ADGRG1: variants seen among roughly 807,000 people sequenced by gnomAD.
ADGRG1 encodes the protein adhesion G protein-coupled receptor G1.
A neutral mutation model predicts 73.5 loss-of-function variants in ADGRG1; 53 were observed. The observed-to-expected ratio is 0.72, with a 90% CI of 0.58 to 0.91. ADGRG1 has a LOEUF of 0.91. ADGRG1 is among the 40% of genes least tolerant of loss of function. The probability of loss-of-function intolerance (pLI) is 0.00; values close to 1 mark genes in which losing one functional copy is unlikely to be tolerated. For synonymous variants in ADGRG1, 394 were observed against 374.4 expected (o/e 1.05, Z -0.60); for missense variants, 795 against 871.8 (o/e 0.91, Z 1.11).
At chr16:57,623,324 C>A, upstream of ADGRG1, 1 of 733,144 alleles carries the variant, frequency 1.4e-6, no homozygotes, top group Non-Finnish European at 1.7e-6. Flanking sequence ...CCTCCCTGAC[C>A]ACAAGCTCCA....
intron 1 of ADGRG1, chr16:57,630,502 C>G: frequency 1.0e-6 from 1 of 985,684 alleles, no homozygotes; most frequent in Non-Finnish European, 1.2e-6. Context: ...CACAGCTGCC[C>G]TGGCTCCCGT....
chr16:57,640,527 G>T (rs1334487646), intron 1 of ADGRG1, among the ~76,000 whole-genome samples: 2 of 152,232 alleles, frequency 1.3e-5, no homozygotes, highest in African/African-American at 4.8e-5. Flanking sequence ...AATGAACATA[G>T]TTGTGTCACT....
rs1324894282 is a variant in ADGRG1, at chr16:57,632,299, A to G, written c.-36+3497A>G. The G allele has an allele frequency of 6.1e-6, 6 of 985,328 alleles. No individual in the cohort carries two copies. In the African/African-American group the frequency reaches 8.7e-5, roughly 14 times the overall value. The allele number at this position is 985,328 out of a possible 1,614,324, so 61.0% of individuals were successfully genotyped here. A position where few individuals can be genotyped will look rare whatever the true frequency, so the allele number is the denominator to read the frequency against. On this transcript the variant is annotated intron_variant, in intron 1 of 13. Transcript: ENST00000562631. Reference sequence around the variant, plus strand: ...GGTGACAGGGCCCGTAGAGACAGCAAGGGTGGCTTGCCCAGGGAGAATCTT... The same window carrying G: ...GGTGACAGGGCCCGTAGAGACAGCAGGGGTGGCTTGCCCAGGGAGAATCTT...
intron 1 of ADGRG1, chr16:57,641,064 G>A: frequency 1.0e-6 from 1 of 984,986 alleles, no homozygotes; most frequent in East Asian, 1.1e-4. Flanking sequence ...CCAGCTTGGA[G>A]GTAAGCTCTG....
At chr16:57,629,639 C>T (rs1401613128) in intron 1 of ADGRG1, among the ~76,000 whole-genome samples, 3 of 152,140 alleles carry the variant, frequency 2.0e-5, no homozygotes, top group Non-Finnish European at 4.4e-5. Context: ...AAGGTGGCCC[C>T]GCAGGGTCTC....
rs1325667767 is a variant in ADGRG1, at chr16:57,642,273, G to C, written c.-35-7980G>C. 3 of 985,220 alleles carry C rather than the reference G, an allele frequency of 3.0e-6. No individual in the cohort carries two copies. The African/African-American group carries it at 5.2e-5, about 17-fold the overall frequency. 61.0% of individuals were successfully genotyped at this position (985,220 alleles called of 1,614,324 possible). A position where few individuals can be genotyped will look rare whatever the true frequency, so the allele number is the denominator to read the frequency against. On this transcript the variant is annotated intron_variant, in intron 1 of 13. Transcript: ENST00000562631. ...TGGTGCTGCCGGCCGAAGGGAGGTG[G>C]GATAGGCCTGAATATACCCCAGGCT...
At chr16:57,631,122 T>C (rs2037772367) in intron 1 of ADGRG1, 3 of 985,400 alleles carry the variant, frequency 3.0e-6, no homozygotes, top group South Asian at 4.7e-5. Context: ...GGGTTAAGGC[T>C]CAAGCTTGGG....
chr16:57,657,328 T>C, intron 9 of ADGRG1, 45 bp from the exon 10 acceptor site: 2 of 1,613,186 alleles, frequency 1.2e-6, no homozygotes. Context: ...CTCCAGGTTG[T>C]GTGGGGGACA....
Position 57,655,298 on chromosome 16 carries a change from G to T in ADGRG1, c.769-101G>T, listed in dbSNP as rs1033625648. 3.8e-6 allele frequency: 6 copies of T among 1,581,196 alleles called. No individual in the cohort carries two copies. In the African/African-American group the frequency reaches 8.1e-5, roughly 21 times the overall value. Reference sequence around the variant, plus strand: ...TCCTGAAGAAATGGGCTTAGAAGTGGCAGCGTCCAGGAACGGATGGGTGTG... The same window carrying T: ...TCCTGAAGAAATGGGCTTAGAAGTGTCAGCGTCCAGGAACGGATGGGTGTG... On this transcript the variant is annotated intron_variant, in intron 5 of 13. Coordinates refer to ENST00000562631, the MANE Select transcript of ADGRG1 (RefSeq NM_201525.4).
chr16:57,624,179 G>A (rs1456912258), upstream of ADGRG1: 16 of 983,310 alleles, frequency 1.6e-5, no homozygotes, highest in African/African-American at 2.1e-4. Flanking sequence ...GAGAAGCCTG[G>A]ATATGAACTG....
chr16:57,640,932 T>A, intron 1 of ADGRG1: 1 of 985,332 alleles, frequency 1.0e-6, no homozygotes, highest in Non-Finnish European at 1.2e-6. Flanking sequence ...TTGGGCAACG[T>A]GGGAACACAG....
chr16:57,635,389 T>A (rs779984164), intron 1 of ADGRG1: 36 of 985,148 alleles, frequency 3.7e-5, no homozygotes, highest in Non-Finnish European at 4.2e-5. Flanking sequence ...CCTGCCTGCC[T>A]CCTGGCACCT....
At chr16:57,634,001 G>C (rs1362185913) in intron 1 of ADGRG1, 4 of 824,876 alleles carry the variant, frequency 4.8e-6, no homozygotes, top group Admixed American at 1.2e-4. Context: ...GGGCTGGGGA[G>C]CTGAGCTGGA....
intron 1 of ADGRG1, chr16:57,643,584 C>T (rs1258202565): frequency 2.0e-6 from 2 of 984,798 alleles, no homozygotes; most frequent in Non-Finnish European, 2.4e-6. Flanking sequence ...TCCAGCAGGT[C>T]TGGTGTAAGA....
chr16:57,652,081 T>G, intron 3 of ADGRG1: 1 of 1,034,742 alleles, frequency 9.7e-7, no homozygotes, highest in Non-Finnish European at 1.2e-6. Context: ...GCTGCACAGC[T>G]AGCCAATGGG....
chr16:57,640,930 C>T (rs950930675), intron 1 of ADGRG1: 15 of 985,306 alleles, frequency 1.5e-5, no homozygotes, highest in Non-Finnish European at 1.8e-5. Context: ...CCTTGGGCAA[C>T]GTGGGAACAC....
chr16:57,637,876 T>C (rs1408881777), intron 1 of ADGRG1, among the ~76,000 whole-genome samples: 1 of 152,134 alleles, frequency 6.6e-6, no homozygotes, highest in Non-Finnish European at 1.5e-5. Context: ...GCCAGTGGGG[T>C]TCCCCACTTG....
chr16:57,645,038 T>C (rs966459676), intron 1 of ADGRG1: 12 of 977,108 alleles, frequency 1.2e-5, no homozygotes, highest in Non-Finnish European at 1.5e-5. Context: ...CACACACTCA[T>C]GCACATACAC....
At chr16:57,630,515 G>T (rs879699559) in intron 1 of ADGRG1, 3 of 985,514 alleles carry the variant, frequency 3.0e-6, no homozygotes, top group Non-Finnish European at 3.6e-6. Flanking sequence ...GCTCCCGTAG[G>T]CCTGGGGCTT....
Sources: gnomAD v4.1 joint callset for allele counts (sites outside exome capture counted in the v4.1 genomes callset) on GRCh38, gnomAD v4.1.1 for gene constraint, MANE v1.5 for transcripts, NCBI Gene and HGNC (gene_info 2026-07-23, HGNC 2026-07-21) for gene names.